GOLGB1: variants seen among roughly 807,000 people sequenced by gnomAD.
GOLGB1 encodes the protein golgin B1.
Under a neutral mutation model 336.9 loss-of-function variants are expected in GOLGB1, and 174 were observed. The ratio of observed to expected loss-of-function variants is 0.52; its 90% CI spans 0.46 to 0.59. The LOEUF (loss-of-function observed/expected upper bound fraction) is 0.59, where lower values mean the gene tolerates loss of function less well. GOLGB1 is among the 20% of genes least tolerant of loss of function. The pLI is 0.00. For missense variants in GOLGB1, 3,331 were observed against 3,645.3 expected, an observed-to-expected ratio of 0.91 and a Z score of 2.22; for synonymous variants, 1,208 against 1,289.2, an observed-to-expected ratio of 0.94 and a Z score of 1.35.
chr3:121,747,373 ATGTC>A (rs201942053), intron 1 of GOLGB1, among the ~76,000 whole-genome samples: 1 of 143,744 alleles, frequency 7.0e-6, no homozygotes, highest in African/African-American at 2.6e-5. Context: ...ATATACGTAT[ATGTC>A]TATATACGTA....
At chr3:121,748,833 T>C (rs1947554998) in intron 1 of GOLGB1, 7 of 983,716 alleles carry the variant, frequency 7.1e-6, no homozygotes, top group Non-Finnish European at 7.2e-6. Context: ...CCGCTCCCCA[T>C]AGACCAACTG....
chr3:121,676,438 T>C (rs1315430501), intron 17 of GOLGB1, among the ~76,000 whole-genome samples: 3 of 152,230 alleles, frequency 2.0e-5, no homozygotes, highest in African/African-American at 7.2e-5. Flanking sequence ...GGACTTCTGA[T>C]TCTGATTGAT....
At chr3:121,665,553 T>C (rs1167129395) in intron 20 of GOLGB1, among the ~76,000 whole-genome samples, 1 of 152,222 alleles carries the variant, frequency 6.6e-6, no homozygotes, top group Non-Finnish European at 1.5e-5. Context: ...AAAATTAAAT[T>C]GAACTAAAAA....
At chr3:121,745,280 A>G (rs1947173709) in intron 1 of GOLGB1, among the ~76,000 whole-genome samples, 1 of 142,668 alleles carries the variant, frequency 7.0e-6, no homozygotes, top group South Asian at 2.2e-4. Context: ...GTATATGTAT[A>G]TATACATATG....
intron 14 of GOLGB1, among the ~76,000 whole-genome samples, chr3:121,688,213 C>T (rs574030037): frequency 6.6e-6 from 1 of 152,292 alleles, no homozygotes; most frequent in East Asian, 1.9e-4. Context: ...CCCTCTCTTT[C>T]CACGGTCTCC....
At chr3:121,729,657 T>C (rs1047207916) in intron 3 of GOLGB1, among the ~76,000 whole-genome samples, 5 of 151,920 alleles carry the variant, frequency 3.3e-5, no homozygotes, top group Admixed American at 1.3e-4. Flanking sequence ...CCTCAAGAAA[T>C]CCTCCCATCT....
chr3:121,744,754 G>A (rs1381696676), intron 1 of GOLGB1, among the ~76,000 whole-genome samples: 1 of 151,954 alleles, frequency 6.6e-6, no homozygotes. Flanking sequence ...ATATTTAAAT[G>A]AGATAAAAAT....
chr3:121,716,699 G>A, intron 9 of GOLGB1, 38 bp downstream of exon 9: 2 of 1,503,996 alleles, frequency 1.3e-6, no homozygotes, highest in Non-Finnish European at 1.8e-6. Context: ...CCACTCAGAT[G>A]GTAGAGATGT....
At chr3:121,747,367 A>G (rs1947419193) in intron 1 of GOLGB1, among the ~76,000 whole-genome samples, 1 of 145,304 alleles carries the variant, frequency 6.9e-6, no homozygotes, top group Admixed American at 6.9e-5. Flanking sequence ...ACGTATATAT[A>G]CGTATATGTC....
chr3:121,741,497 G>A (rs1044691232), intron 1 of GOLGB1, among the ~76,000 whole-genome samples: 1 of 152,124 alleles, frequency 6.6e-6, no homozygotes, highest in East Asian at 1.9e-4. Context: ...GAACACACCC[G>A]ATCTCGTCTA....
intron 14 of GOLGB1, among the ~76,000 whole-genome samples, chr3:121,684,148 A>AAAAAAAAG (rs1941452447): frequency 6.7e-6 from 1 of 148,560 alleles, no homozygotes. Flanking sequence ...AAAAAAAAAA[A>AAAAAAAAG]AAAACAAGAA....
At chr3:121,685,580 G>T (rs1941636523) in intron 14 of GOLGB1, among the ~76,000 whole-genome samples, 2 of 146,972 alleles carry the variant, frequency 1.4e-5, no homozygotes, top group Admixed American at 1.3e-4. Context: ...TAAATAAAAA[G>T]TGCATACACT....
In GOLGB1 at chr3:121,695,590, T is replaced by G; in HGVS notation, c.4933A>C (p.Arg1645=). Residue 1645 remains arginine (R), a synonymous_variant, in exon 13 of 22, where the codon AGG becomes CGG. Coordinates refer to ENST00000614479, the MANE Select transcript of GOLGB1 (RefSeq NM_001366282.2). ...CCATACAGTTCTTGTTTCTCTTGCC[T>G]CACAGCTTCCACCACATGCTGAATC... The part of the protein sequence containing the change: ...ERIQHVVEAV[R]QEKQELYGKL... 6.2e-7 allele frequency: 1 copy of G among 1,614,124 alleles called. No homozygotes were observed. Among genetic ancestry groups the G allele is most frequent in the Non-Finnish European group, 8.5e-7 (1 of 1,180,018 alleles).
rs781503792 is a variant in GOLGB1 at position 121,667,593 on chromosome 3, T to C, written c.9437A>G (p.Gln3146Arg). ...TTCCTGTCTGGTGTTGCATAGCTGC[T>C]GCTGAGCTTCAGAAAAGCTTTAGGA... is the stretch of plus-strand genomic sequence containing the variant. Reference protein sequence around the residue: ...EPQQSFSEAQQQLCNTRQEVN... With the variant: ...EPQQSFSEAQRQLCNTRQEVN... Residue 3146 changes from glutamine (Q) to arginine (R), a missense_variant, in exon 20 of 22, where the codon CAG becomes CGG. Transcript: ENST00000614479. 1.5e-5 allele frequency: 25 copies of C among 1,613,802 alleles called. No individual in the cohort carries two copies. In the South Asian group the frequency reaches 1.9e-4, roughly 12 times the overall value.
At position 121,697,451 on chromosome 3, in the gene GOLGB1, C is replaced by G; in HGVS notation, c.3072G>C (p.Leu1024Phe). The change falls in exon 13 of 22, where the codon TTG (leucine) becomes TTC (phenylalanine). Residue 1024 changes from leucine to phenylalanine, a missense_variant. Coordinates refer to ENST00000614479, the MANE Select transcript of GOLGB1 (RefSeq NM_001366282.2). ...GGATTTCTTTCTTAGATTCATCTTTCAAGTTGGCTAATTCTTCTTCCAATC... is the reference window on the plus strand; with the variant it reads ...GGATTTCTTTCTTAGATTCATCTTTGAAGTTGGCTAATTCTTCTTCCAATC... ...VSRLEEELANLKDESKKEIPL... is the reference protein window; with the variant it reads ...VSRLEEELANFKDESKKEIPL... 6.2e-7 allele frequency: 1 copy of G among 1,611,302 alleles called. No individual in the cohort carries two copies. Among genetic ancestry groups the G allele is most frequent in the African/African-American group, 1.3e-5 (1 of 74,756 alleles).
Position 121,692,396 on chromosome 3 carries a change from T to G in GOLGB1, c.6968A>C (p.Lys2323Thr). 6.2e-7 allele frequency: 1 copy of G among 1,612,518 alleles called. No individual in the cohort carries two copies. Among genetic ancestry groups the G allele is most frequent in the Non-Finnish European group, 8.5e-7 (1 of 1,179,660 alleles). The stretch of plus-strand genomic sequence containing the variant: ...GTTACTTAAATCAGTCAACTGGTCT[T>G]TGAGACTCTTAAGTTCTGATTCCAA... ...AKLESELKSLKDQLTDLSNSL... is the reference protein window; with the variant it reads ...AKLESELKSLTDQLTDLSNSL... Residue 2323 changes from lysine to threonine, a missense_variant, in exon 14 of 22, where the codon AAA becomes ACA. Coordinates refer to ENST00000614479, the MANE Select transcript of GOLGB1 (RefSeq NM_001366282.2).
chr3:121,695,159 C>T lies in GOLGB1; in HGVS notation c.5364G>A (p.Thr1788=), dbSNP rs778751543. 1.4e-5 allele frequency: 22 copies of T among 1,613,158 alleles called. No homozygotes were observed. Among genetic ancestry groups the T allele is most frequent in the East Asian group, 1.1e-4 (5 of 44,856 alleles). The change falls in exon 13 of 22, where the codon ACG becomes ACA. Residue 1788 remains threonine (T), a synonymous_variant. Coordinates refer to ENST00000614479, the MANE Select transcript of GOLGB1 (RefSeq NM_001366282.2). The part of the protein sequence containing the change: ...LEATEKHDNQ[T]NVTEEGTQSI... ...ACTGTGTTCCCTCTTCAGTGACATT[C>T]GTTTGGTTATCATGTTTCTCGGTGG...
intron 17 of GOLGB1, among the ~76,000 whole-genome samples, chr3:121,670,859 T>C (rs890908409): frequency 5.3e-5 from 8 of 152,004 alleles, no homozygotes; most frequent in African/African-American, 1.7e-4. Flanking sequence ...ATGACAACTA[T>C]TGGATTCTGA....
intron 17 of GOLGB1, among the ~76,000 whole-genome samples, chr3:121,673,523 C>T (rs956645135): frequency 6.6e-6 from 1 of 152,180 alleles, no homozygotes; most frequent in African/African-American, 2.4e-5. Context: ...GTAGTACTGT[C>T]ATTTTAATGA....
Sources: allele counts gnomAD v4.1 joint callset (sites outside exome capture counted in the v4.1 genomes callset), GRCh38; gene constraint gnomAD v4.1.1; transcripts MANE v1.5; gene names NCBI Gene and HGNC (gene_info 2026-07-23, HGNC 2026-07-21).